The following CTNNA2 variants were observed in gnomAD, a reference collection of about 807,000 sequenced individuals.
The protein encoded by CTNNA2 is catenin alpha 2, also known as catenin alpha-2.
CTNNA2 carries 42 observed loss-of-function variants against 101.0 expected under a neutral mutation model. The ratio of observed to expected loss-of-function variants is 0.42; its 90% CI spans 0.32 to 0.54. CTNNA2 has a LOEUF of 0.54. CTNNA2 is among the 20% of genes least tolerant of loss of function. The probability of loss-of-function intolerance (pLI) is 0.14; values close to 1 mark genes in which losing one functional copy is unlikely to be tolerated. For missense variants in CTNNA2, 871 were observed against 1,223.1 expected (o/e 0.71, Z 4.29); for synonymous variants, 450 against 456.4 (o/e 0.99, Z 0.18).
At position 79,744,415 on chromosome 2, in the gene CTNNA2, A is replaced by G. The variant is rs1263438565; in HGVS notation, c.131A>G (p.Lys44Arg). 1.9e-6 allele frequency: 3 copies of G among 1,613,480 alleles called. No homozygotes were observed. Among genetic ancestry groups the G allele is most frequent in the Non-Finnish European group, 1.7e-6 (2 of 1,179,858 alleles). The change falls in exon 3 of 19, where the codon AAA becomes AGA. Residue 44 changes from lysine to arginine, a missense_variant. This residue lies in a region of CTNNA2 where 647 missense variants were observed against 831.5 expected (regional missense o/e 0.78). Coordinates refer to ENST00000402739, the MANE Select transcript of CTNNA2 (RefSeq NM_001282597.3). ...QVTTLVNTSN[K>R]GPSGKKKGRS... ...ACTACACTTGTCAACACAAGCAACA[A>G]AGGCCCATCTGGTAAAAAGAAAGGG...
chr2:80,051,258 G>A (rs527444453), intron 7 of CTNNA2, among the ~76,000 whole-genome samples: 11 of 152,084 alleles, frequency 7.2e-5, no homozygotes, highest in Non-Finnish European at 1.0e-4. Context: ...GTGTTGTTTC[G>A]CAGTTGTTGG....
intron 2 of CTNNA2, among the ~76,000 whole-genome samples, chr2:79,239,703 C>CTAAT: frequency 6.6e-6 from 1 of 152,196 alleles, no homozygotes; most frequent in East Asian, 1.9e-4. Flanking sequence ...CAAACGGGAT[C>CTAAT]TAATTAAACT....
At chr2:79,619,586 G>T (rs756044484) in intron 1 of CTNNA2, among the ~76,000 whole-genome samples, 1 of 152,062 alleles carries the variant, frequency 6.6e-6, no homozygotes, top group Non-Finnish European at 1.5e-5. Context: ...ATTTTAAAAC[G>T]CCTTTTTTGA....
chr2:79,668,892 A>C (rs1205890728), intron 2 of CTNNA2, among the ~76,000 whole-genome samples: 1 of 152,198 alleles, frequency 6.6e-6, no homozygotes, highest in Non-Finnish European at 1.5e-5. Flanking sequence ...CAAACAGAGG[A>C]ACACATTCCT....
chr2:79,482,547 T>A (rs1466954080), intron 4 of CTNNA2, among the ~76,000 whole-genome samples: 1 of 152,086 alleles, frequency 6.6e-6, no homozygotes, highest in Non-Finnish European at 1.5e-5. Context: ...GTTACTCAGG[T>A]TAAATTTTTT....
chr2:79,873,903 C>G (rs1682789221), intron 5 of CTNNA2, among the ~76,000 whole-genome samples, 173 bp from the exon 6 acceptor site: 1 of 152,092 alleles, frequency 6.6e-6, no homozygotes, highest in Non-Finnish European at 1.5e-5. Flanking sequence ...CTAGCTGTCT[C>G]TATAAAACAG....
At chr2:79,228,537 C>T (rs1325624614) in intron 2 of CTNNA2, among the ~76,000 whole-genome samples, 3 of 152,110 alleles carry the variant, frequency 2.0e-5, no homozygotes, top group African/African-American at 7.2e-5. Context: ...GTTTCTTGGC[C>T]ACTTGTGTAT....
chr2:80,043,557 A>G (rs993179632), intron 7 of CTNNA2, among the ~76,000 whole-genome samples: 1 of 152,106 alleles, frequency 6.6e-6, no homozygotes, highest in African/African-American at 2.4e-5. Context: ...GATCAAACCT[A>G]CAGTCCTTGC....
In CTNNA2 at chr2:80,102,030, T is replaced by C. The variant is rs558020251; in HGVS notation, c.1056+192233T>C. ...AATTTTTTTGTGGTTATTTTATTCA[T>C]TTCTGGCTCCCCTATCAGCAAACTG... On this transcript the variant is annotated intron_variant, in intron 7 of 18. Transcript: ENST00000402739. 2.6e-5 allele frequency among the ~76,000 whole-genome samples: 4 copies of C among 152,306 alleles called. No homozygotes were observed. The East Asian group carries it at 5.8e-4, about 22-fold the overall frequency.
chr2:79,636,030 G>C (rs2104388491), intron 1 of CTNNA2, among the ~76,000 whole-genome samples: 1 of 150,336 alleles, frequency 6.7e-6, no homozygotes, highest in East Asian at 2.1e-4. Flanking sequence ...GGGAGGCTGA[G>C]GCAGGCGGAT....
intron 18 of CTNNA2, among the ~76,000 whole-genome samples, chr2:80,626,014 T>A (rs1671648490): frequency 6.6e-6 from 1 of 152,086 alleles, no homozygotes. Flanking sequence ...ATTAGTAATT[T>A]ATTGTAAAAA....
At chr2:79,935,299 C>T (rs958792309) in intron 7 of CTNNA2, among the ~76,000 whole-genome samples, 1 of 151,740 alleles carries the variant, frequency 6.6e-6, no homozygotes, top group Non-Finnish European at 1.5e-5. Flanking sequence ...GGAGGCAAAA[C>T]CACAATTTAG....
In CTNNA2 at chr2:79,187,266, TTTTC is replaced by T. The variant is rs1380426595; in HGVS notation, c.-524+1839_-524+1842del. 1.9e-3 allele frequency among the ~76,000 whole-genome samples: 167 copies of T among 87,292 alleles called. 2 individuals are homozygous for T. Among genetic ancestry groups the T allele is most frequent in the East Asian group, 8.3e-3 (25 of 3,014 alleles). The allele number at this position is 87,292 out of a possible 152,430, so 57.3% of individuals were successfully genotyped here. On this transcript the variant is annotated intron_variant, in intron 1 of 21. Coordinates refer to the CTNNA2 transcript ENST00000466387. ...TTTTCTTTTCTTTTCTTTTCTTTTC[TTTTC>T]TTTTTTTTTTTTTTTTTGAGACAGA...
At chr2:80,031,735 A>C (rs1303583524) in intron 7 of CTNNA2, among the ~76,000 whole-genome samples, 2 of 152,194 alleles carry the variant, frequency 1.3e-5, no homozygotes, top group Non-Finnish European at 2.9e-5. Flanking sequence ...CATATACATG[A>C]ATTCCTATAT....
At chr2:79,983,902 A>T (rs577997579) in intron 7 of CTNNA2, among the ~76,000 whole-genome samples, 3 of 152,262 alleles carry the variant, frequency 2.0e-5, no homozygotes, top group Admixed American at 2.0e-4. Flanking sequence ...CCTGAGAGAA[A>T]ATATAATCCA....
chr2:80,175,681 T>G (rs1434698509), intron 7 of CTNNA2, among the ~76,000 whole-genome samples: 2 of 152,184 alleles, frequency 1.3e-5, no homozygotes, highest in Non-Finnish European at 2.9e-5. Flanking sequence ...CTGACTCACA[T>G]GATCACAAGG....
At chr2:80,570,860 A>G (rs1694524825) in intron 12 of CTNNA2, among the ~76,000 whole-genome samples, 1 of 152,162 alleles carries the variant, frequency 6.6e-6, no homozygotes, top group African/African-American at 2.4e-5. Flanking sequence ...GAGATAATGT[A>G]TGCCATGCTG....
chr2:79,294,686 A>G (rs1277074804), intron 2 of CTNNA2, among the ~76,000 whole-genome samples: 1 of 152,134 alleles, frequency 6.6e-6, no homozygotes, highest in African/African-American at 2.4e-5. Flanking sequence ...ATTTTGCATA[A>G]TATTTCATTT....
In CTNNA2 at chr2:80,471,834, A is replaced by G. The variant is rs549567662; in HGVS notation, c.1290+52233A>G. On this transcript the variant is annotated intron_variant, in intron 9 of 18. Transcript: ENST00000402739. Reference sequence around the variant, plus strand: ...CTCAAGTTTGTTAAAAAAAAAATGCATAAAGAAGGTGGCCGGGCGTAGTGG... The same window carrying G: ...CTCAAGTTTGTTAAAAAAAAAATGCGTAAAGAAGGTGGCCGGGCGTAGTGG... Among the ~76,000 whole-genome samples, 16 of 152,144 alleles carry G rather than the reference A, an allele frequency of 1.1e-4. 1 individual carries two copies. Among genetic ancestry groups the G allele is most frequent in the Middle Eastern group, 3.4e-3 (1 of 294 alleles).
Sources: allele counts gnomAD v4.1 joint callset (sites outside exome capture counted in the v4.1 genomes callset), GRCh38; gene constraint gnomAD v4.1.1; regional missense constraint gnomAD v4.1.1; transcripts MANE v1.5; gene names NCBI Gene and HGNC (gene_info 2026-07-23, HGNC 2026-07-21).